Variants in PCSK5 observed in about 807,000 individuals in gnomAD.
PCSK5 encodes the protein prohormone convertase 5.
PCSK5 carries 129 observed loss-of-function variants against 233.2 expected under a neutral mutation model. That is an observed-to-expected ratio of 0.55 (90% confidence interval 0.48 to 0.64). The LOEUF (loss-of-function observed/expected upper bound fraction) is 0.64, where lower values mean the gene tolerates loss of function less well. Among genes scored for constraint, PCSK5 ranks in the 30% least tolerant of loss-of-function variants. The pLI, the probability that PCSK5 is intolerant of heterozygous loss-of-function variation, is 0.00. For synonymous variants in PCSK5, 825 were observed against 879.2 expected, an observed-to-expected ratio of 0.94 and a Z score of 1.09; for missense variants, 2,076 against 2,430.1, an observed-to-expected ratio of 0.85 and a Z score of 3.06.
At chr9:76,100,307 G>A (rs1831702511) in intron 8 of PCSK5, among the ~76,000 whole-genome samples, 1 of 152,170 alleles carries the variant, frequency 6.6e-6, no homozygotes, top group Non-Finnish European at 1.5e-5. Context: ...TAACATAATT[G>A]TTCACATTTC....
chr9:76,198,393 G>A (rs1170848667), intron 20 of PCSK5, among the ~76,000 whole-genome samples: 1 of 152,080 alleles, frequency 6.6e-6, no homozygotes, highest in Non-Finnish European at 1.5e-5. Context: ...TAAAAATACA[G>A]TGTTTTAAGC....
intron 20 of PCSK5, among the ~76,000 whole-genome samples, chr9:76,225,221 T>C (rs1825851280): frequency 6.6e-6 from 1 of 152,218 alleles, no homozygotes; most frequent in South Asian, 2.1e-4. Flanking sequence ...ATCACTCGCA[T>C]AAAATCTTTG....
chr9:76,239,933 G>A (rs916310589), intron 23 of PCSK5, among the ~76,000 whole-genome samples: 1 of 152,262 alleles, frequency 6.6e-6, no homozygotes, highest in South Asian at 2.1e-4. Flanking sequence ...TCAAGACAGA[G>A]TGGCTTTGAG....
At chr9:76,281,936 G>A (rs116897696) in intron 24 of PCSK5, among the ~76,000 whole-genome samples, 5,509 of 151,774 alleles carry the variant, frequency 0.036, 128 homozygotes, top group Non-Finnish European at 0.058. Flanking sequence ...GGCTTGTGCC[G>A]TTGCACCTGG....
At chr9:76,092,854 A>G (rs898002221) in intron 7 of PCSK5, among the ~76,000 whole-genome samples, 1 of 152,162 alleles carries the variant, frequency 6.6e-6, no homozygotes, top group Non-Finnish European at 1.5e-5. Flanking sequence ...TTAAAAAATT[A>G]TCTCTTAACA....
At chr9:76,017,541 A>G (rs1431817771) in intron 3 of PCSK5, among the ~76,000 whole-genome samples, 1 of 152,184 alleles carries the variant, frequency 6.6e-6, no homozygotes, top group Admixed American at 6.5e-5. Flanking sequence ...CTTGACACTC[A>G]AGTCATACAG....
At chr9:76,021,390 CAGAGA>C (rs1305752018) in intron 3 of PCSK5, among the ~76,000 whole-genome samples, 1 of 151,296 alleles carries the variant, frequency 6.6e-6, no homozygotes, top group African/African-American at 2.4e-5. Context: ...TTTCTAAGTT[CAGAGA>C]AGAGACAAAG....
chr9:76,158,541 C>T (rs1415814556), intron 11 of PCSK5, among the ~76,000 whole-genome samples: 2 of 152,222 alleles, frequency 1.3e-5, no homozygotes, highest in Non-Finnish European at 2.9e-5. Flanking sequence ...GGGATGTGAA[C>T]CCCCTTTATG....
intron 1 of PCSK5, among the ~76,000 whole-genome samples, chr9:75,892,870 AC>A (rs1422254480): frequency 6.6e-6 from 1 of 152,194 alleles, no homozygotes; most frequent in Admixed American, 6.5e-5. Flanking sequence ...GGCAAGGGGC[AC>A]GGTTTGTATT....
chr9:76,112,624 T>C (rs1832269672), intron 9 of PCSK5, among the ~76,000 whole-genome samples: 1 of 152,154 alleles, frequency 6.6e-6, no homozygotes, highest in Non-Finnish European at 1.5e-5. Flanking sequence ...TATCTTTATT[T>C]ATGAGTATAT....
At position 76,157,191 on chromosome 9, in the gene PCSK5, A is replaced by G. The variant is rs780691121; in HGVS notation, c.1430+29A>G. ...ATGCTTGCTGCCGGCAAACAGCATG[A>G]CAATGCCCCAAAATAGAGCAAGCCA... On this transcript the variant is annotated intron_variant, in intron 11 of 37. Transcript: ENST00000674117. 4.8e-6 allele frequency: 7 copies of G among 1,448,964 alleles called. No homozygotes were observed. The South Asian group carries it at 6.8e-5, about 14-fold the overall frequency. 89.8% of individuals were successfully genotyped at this position (1,448,964 alleles called of 1,614,324 possible).
intron 7 of PCSK5, among the ~76,000 whole-genome samples, chr9:76,080,837 T>C (rs1280986603): frequency 6.6e-6 from 1 of 152,228 alleles, no homozygotes; most frequent in Non-Finnish European, 1.5e-5. Context: ...GTTATGAATC[T>C]TAGTCATTAT....
intron 3 of PCSK5, among the ~76,000 whole-genome samples, chr9:76,004,645 T>C (rs968696492): frequency 1.3e-5 from 2 of 152,184 alleles, no homozygotes; most frequent in African/African-American, 4.8e-5. Context: ...TTTAAAAATA[T>C]CATTATTAAC....
chr9:76,287,140 T>C (rs1828102404), intron 24 of PCSK5: 1 of 164,596 alleles, frequency 6.1e-6, no homozygotes, highest in Non-Finnish European at 1.3e-5. Flanking sequence ...GCTTATCTGC[T>C]ACACGGTCGT....
intron 5 of PCSK5, among the ~76,000 whole-genome samples, chr9:76,045,353 A>G (rs1829329402): frequency 6.6e-6 from 1 of 152,216 alleles, no homozygotes; most frequent in South Asian, 2.1e-4. Context: ...TTCTTATTCA[A>G]AAATTTGATC....
intron 8 of PCSK5, among the ~76,000 whole-genome samples, chr9:76,102,819 A>T (rs79972755): frequency 0.055 from 8,415 of 152,286 alleles, 251 homozygotes; most frequent in South Asian, 0.079. Context: ...TGAACGGAAG[A>T]GTTGAAGTAT....
At chr9:76,301,330 G>A (rs1828592943) in intron 27 of PCSK5, among the ~76,000 whole-genome samples, 1 of 151,764 alleles carries the variant, frequency 6.6e-6, no homozygotes, top group African/African-American at 2.4e-5. Context: ...AGATAAACAG[G>A]GCTCTAAGGG....
chr9:76,349,287 A>AG (rs1430156435), intron 35 of PCSK5, among the ~76,000 whole-genome samples: 5 of 68,722 alleles, frequency 7.3e-5, no homozygotes, highest in African/African-American at 9.3e-5. Context: ...AAAAAAAAAA[A>AG]AAAAGAAAAA....
intron 20 of PCSK5, among the ~76,000 whole-genome samples, chr9:76,217,300 G>A (rs1328292567): frequency 1.3e-5 from 2 of 152,210 alleles, no homozygotes; most frequent in African/African-American, 4.8e-5. Flanking sequence ...TAAGAAGTGA[G>A]TTGAGCGTTG....
Sources: gnomAD v4.1 joint callset for allele counts (sites outside exome capture counted in the v4.1 genomes callset) on GRCh38, gnomAD v4.1.1 for gene constraint, MANE v1.5 for transcripts, NCBI Gene and HGNC (gene_info 2026-07-23, HGNC 2026-07-21) for gene names.